ZFPM2: variants seen among roughly 807,000 people sequenced by gnomAD.
The protein encoded by ZFPM2 is zinc finger protein, FOG family member 2, also known as zinc finger protein ZFPM2.
ZFPM2 carries 20 observed loss-of-function variants against 98.6 expected under a neutral mutation model. The observed-to-expected ratio is 0.20, with a 90% CI of 0.14 to 0.29. The LOEUF (loss-of-function observed/expected upper bound fraction) is 0.29. ZFPM2 is among the 10% of genes least tolerant of loss of function. The pLI is 1.00. For missense variants in ZFPM2, 1,310 were observed against 1,388.6 expected (o/e 0.94, Z 0.90); for synonymous variants, 518 against 502.7 (o/e 1.03, Z -0.41).
chr8:105,627,853 A>G (rs1409638407), intron 4 of ZFPM2, among the ~76,000 whole-genome samples: 1 of 152,180 alleles, frequency 6.6e-6, no homozygotes, highest in Non-Finnish European at 1.5e-5. Flanking sequence ...TCCAACTTTA[A>G]AAGAGATCTG....
intron 1 of ZFPM2, among the ~76,000 whole-genome samples, chr8:105,353,373 T>C (rs1476797890): frequency 6.6e-6 from 1 of 152,170 alleles, no homozygotes; most frequent in Non-Finnish European, 1.5e-5. Flanking sequence ...GTTATCACCA[T>C]ATTCTGATAT....
In ZFPM2 at chr8:105,325,539, T is replaced by G. The variant is rs145400603; in HGVS notation, c.40+6558T>G. Reference sequence around the variant, plus strand: ...TTGTTACATCAGCAAAATATCAATATAGAAAGTGGACTCTCTGATCGTCAT... The same window carrying G: ...TTGTTACATCAGCAAAATATCAATAGAGAAAGTGGACTCTCTGATCGTCAT... On this transcript the variant is annotated intron_variant, in intron 1 of 7. Transcript: ENST00000407775. Among the ~76,000 whole-genome samples, 735 of 151,836 alleles carry G rather than the reference T, an allele frequency of 4.8e-3. 4 individuals carry two copies. Among genetic ancestry groups the G allele is most frequent in the African/African-American group, 0.015 (612 of 41,486 alleles).
At position 105,726,108 on chromosome 8, in the gene ZFPM2, G is replaced by A. The variant is rs547746776; in HGVS notation, c.533-62610G>A. 6.6e-5 allele frequency among the ~76,000 whole-genome samples: 10 copies of A among 151,836 alleles called. No individual in the cohort carries two copies. The South Asian group carries it at 2.1e-3, about 32-fold the overall frequency. On this transcript the variant is annotated intron_variant, in intron 5 of 7. Transcript: ENST00000407775. ...AGTTGCTTTATTCAGTATGATTTCA[G>A]TGGCCTTTCAGCTGAGGAAATTCCA...
chr8:105,574,842 G>A lies in ZFPM2; in HGVS notation c.420+13361G>A, dbSNP rs148875023. On this transcript the variant is annotated intron_variant, in intron 4 of 7. Coordinates refer to ENST00000407775, the MANE Select transcript of ZFPM2 (RefSeq NM_012082.4). ...GAAAGCCACTGCTGCCCAGGCACAC[G>A]CAGCATATTAGTGCATTTAAAGGTA... is the stretch of plus-strand genomic sequence containing the variant. Among the ~76,000 whole-genome samples the A allele has an allele frequency of 2.5e-3, 371 of 150,736 alleles. 11 individuals are homozygous for A. In the East Asian group the frequency reaches 0.064, roughly 26 times the overall value.
chr8:105,585,375 C>CT (rs1815690036), intron 4 of ZFPM2, among the ~76,000 whole-genome samples: 1 of 152,258 alleles, frequency 6.6e-6, no homozygotes, highest in South Asian at 2.1e-4. Flanking sequence ...GGTTTCCTCT[C>CT]TGAGGGTCTA....
rs1293796511 is a variant in ZFPM2, at chr8:105,559,838, A to G, written c.302-1525A>G. On this transcript the variant is annotated intron_variant, in intron 3 of 7. Coordinates refer to ENST00000407775, the MANE Select transcript of ZFPM2 (RefSeq NM_012082.4). Reference sequence around the variant, plus strand: ...ATCTATGTATTTAAAGATAGCTACTAACTTGAAAAGAAGCTAAAGCGAGAT... The same window carrying G: ...ATCTATGTATTTAAAGATAGCTACTGACTTGAAAAGAAGCTAAAGCGAGAT... 5.3e-5 allele frequency among the ~76,000 whole-genome samples: 8 copies of G among 152,196 alleles called. No homozygotes were observed. In the South Asian group the frequency reaches 1.7e-3, roughly 31 times the overall value.
intron 1 of ZFPM2, among the ~76,000 whole-genome samples, chr8:105,386,439 G>A (rs776520083): frequency 2.6e-5 from 4 of 152,138 alleles, no homozygotes; most frequent in South Asian, 2.1e-4. Flanking sequence ...GAATGAAGCC[G>A]TGGACCCTCG....
intron 5 of ZFPM2, among the ~76,000 whole-genome samples, chr8:105,642,100 C>G (rs189788320): frequency 8.0e-4 from 121 of 152,034 alleles, no homozygotes; most frequent in African/African-American, 2.7e-3. Context: ...GAAAGCTACC[C>G]CCAAAAGTAT....
chr8:105,597,923 A>G (rs1816004695), intron 4 of ZFPM2, among the ~76,000 whole-genome samples: 2 of 152,134 alleles, frequency 1.3e-5, no homozygotes, highest in African/African-American at 2.4e-5. Flanking sequence ...GGTGTGAGAC[A>G]TCAGATGAGA....
chr8:105,718,819 G>A (rs1414671797), intron 5 of ZFPM2, among the ~76,000 whole-genome samples: 7 of 151,648 alleles, frequency 4.6e-5, no homozygotes, highest in Admixed American at 2.0e-4. Flanking sequence ...TGCAATCCCC[G>A]TGTCTCATTT....
rs75758255 is a variant in ZFPM2 at position 105,331,592 on chromosome 8, G to A, written c.40+12611G>A. On this transcript the variant is annotated intron_variant, in intron 1 of 7. Coordinates refer to ENST00000407775, the MANE Select transcript of ZFPM2 (RefSeq NM_012082.4). ...ATATTGTTCCTACTCTCCTAAGAAA[G>A]AAACATGATTACATTTTGAATGAAG... Among the ~76,000 whole-genome samples the A allele has an allele frequency of 4.9e-3, 741 of 151,836 alleles. 13 individuals carry two copies. Among genetic ancestry groups the A allele is most frequent in the African/African-American group, 0.017 (689 of 41,486 alleles).
intron 4 of ZFPM2, among the ~76,000 whole-genome samples, chr8:105,617,559 C>T (rs950683297): frequency 1.3e-5 from 2 of 152,118 alleles, no homozygotes; most frequent in African/African-American, 4.8e-5. Flanking sequence ...GAATGAAGAC[C>T]GGCCAGACCG....
rs750955117 is a variant in ZFPM2, at chr8:105,788,860, C to T, written c.675C>T (p.Asp225=). ...GGATGTACCCTGCACGCCTGCTGGA[C>T]TCAATTCAGCTGCTTCCTCAGCAAG... is the stretch of plus-strand genomic sequence containing the variant. The part of the protein sequence containing the change: ...TEGMYPARLL[D]SIQLLPQQAA... The change falls in exon 6 of 8, where the codon GAC becomes GAT. Residue 225 remains aspartate (D), a synonymous_variant. Transcript: ENST00000407775. 4 of 1,613,908 alleles carry T rather than the reference C, an allele frequency of 2.5e-6. No homozygotes were observed. Among genetic ancestry groups the T allele is most frequent in the South Asian group, 2.2e-5 (2 of 91,080 alleles).
At chr8:105,624,376 T>G (rs536131972) in intron 4 of ZFPM2, among the ~76,000 whole-genome samples, 1 of 152,312 alleles carries the variant, frequency 6.6e-6, no homozygotes, top group African/African-American at 2.4e-5. Context: ...AGGTTGAAGT[T>G]AATGATTGCC....
chr8:105,330,557 T>TATATATATATATAC (rs1183172856), intron 1 of ZFPM2, among the ~76,000 whole-genome samples: 1,545 of 120,114 alleles, frequency 0.013, 42 homozygotes, highest in Non-Finnish European at 0.02. Flanking sequence ...TATATACATA[T>TATATATATATATAC]ATATATATAT....
intron 3 of ZFPM2, among the ~76,000 whole-genome samples, chr8:105,542,663 G>T (rs1814604053): frequency 6.6e-6 from 1 of 152,156 alleles, no homozygotes; most frequent in East Asian, 1.9e-4. Context: ...GTAGATTTTG[G>T]TATCCTGCAG....
intron 5 of ZFPM2, among the ~76,000 whole-genome samples, chr8:105,755,360 A>G (rs2131061463): frequency 6.6e-6 from 1 of 152,168 alleles, no homozygotes; most frequent in Non-Finnish European, 1.5e-5. Context: ...TTTTTCTGTA[A>G]AGTTCTATGG....
intron 4 of ZFPM2, among the ~76,000 whole-genome samples, chr8:105,626,055 G>A (rs1427641945): frequency 6.6e-6 from 1 of 151,678 alleles, no homozygotes; most frequent in Non-Finnish European, 1.5e-5. Context: ...TGCCTCAATA[G>A]CATCAAGTGC....
intron 1 of ZFPM2, among the ~76,000 whole-genome samples, chr8:105,394,647 A>G (rs1197502869): frequency 3.9e-5 from 6 of 152,154 alleles, no homozygotes; most frequent in Non-Finnish European, 1.5e-5. Flanking sequence ...TACATCCCAA[A>G]CTGAAATGTG....
Sources: allele counts gnomAD v4.1 joint callset (sites outside exome capture counted in the v4.1 genomes callset), GRCh38; gene constraint gnomAD v4.1.1; transcripts MANE v1.5; gene names NCBI Gene and HGNC (gene_info 2026-07-23, HGNC 2026-07-21).